AKAP6: variants seen among roughly 807,000 people sequenced by gnomAD.
AKAP6 encodes A-kinase anchoring protein 6, also known as A-kinase anchor protein 6.
Under a neutral mutation model 188.5 loss-of-function variants are expected in AKAP6, and 58 were observed. The ratio of observed to expected loss-of-function variants is 0.31; its 90% CI spans 0.25 to 0.38. The LOEUF (loss-of-function observed/expected upper bound fraction) is 0.38. Ranked by LOEUF, AKAP6 falls within the 10% of genes least tolerant of loss-of-function variation. AKAP6 has a pLI of 1.00. For missense variants in AKAP6, 2,710 were observed against 2,740.0 expected (o/e 0.99, Z 0.24); for synonymous variants, 989 against 998.6 (o/e 0.99, Z 0.18).
intron 2 of AKAP6, among the ~76,000 whole-genome samples, chr14:32,465,141 T>C (rs1487055004): frequency 1.3e-5 from 2 of 152,246 alleles, no homozygotes; most frequent in East Asian, 3.9e-4. Flanking sequence ...GAAGAATCAA[T>C]ATCATGAAAA....
intron 12 of AKAP6, among the ~76,000 whole-genome samples, chr14:32,810,961 T>C (rs1386079220): frequency 6.6e-6 from 1 of 152,110 alleles, no homozygotes; most frequent in Non-Finnish European, 1.5e-5. Flanking sequence ...AGAGATTGGC[T>C]GGGTGCGGTG....
At position 32,548,529 on chromosome 14, in the gene AKAP6, AATAGATAGATAGATAGATAG is replaced by A. The variant is rs71115083; in HGVS notation, c.2346+1570_2346+1589del. 3.2e-4 allele frequency among the ~76,000 whole-genome samples: 46 copies of A among 142,590 alleles called. 1 individual carries two copies. The South Asian group carries it at 4.3e-3, about 13-fold the overall frequency. 93.5% of individuals were successfully genotyped at this position (142,590 alleles called of 152,430 possible). A position where few individuals can be genotyped will look rare whatever the true frequency, so the allele number is the denominator to read the frequency against. On this transcript the variant is annotated intron_variant, in intron 4 of 13. Coordinates refer to ENST00000280979, the MANE Select transcript of AKAP6 (RefSeq NM_004274.5). ...GCTTAAGTGATTTTTCTCAAGCTAA[AATAGATAGATAGATAGATAG>A]ATAGATAGATAGATAGATAGATAGA...
chr14:32,612,211 G>GCA lies in AKAP6; in HGVS notation c.2730+11419_2730+11420insCA, dbSNP rs1322869794. Among the ~76,000 whole-genome samples the GCA allele has an allele frequency of 2.8e-3, 421 of 152,128 alleles. 2 individuals are homozygous for GCA. Among genetic ancestry groups the GCA allele is most frequent in the South Asian group, 0.011 (54 of 4,826 alleles). On this transcript the variant is annotated intron_variant, in intron 7 of 13. Transcript: ENST00000280979. The stretch of plus-strand genomic sequence containing the variant: ...CCTTGTAAAACACCAGTTTCATCGT[G>GCA]GTTTTGAATTTCTGTTTATATCTTT...
intron 7 of AKAP6, among the ~76,000 whole-genome samples, chr14:32,655,398 G>A (rs927671018): frequency 2.0e-5 from 3 of 152,124 alleles, no homozygotes; most frequent in Non-Finnish European, 2.9e-5. Context: ...GAATCTCTTA[G>A]TAAATCTTTT....
chr14:32,451,906 C>T (rs1890947867), intron 2 of AKAP6, among the ~76,000 whole-genome samples: 1 of 151,890 alleles, frequency 6.6e-6, no homozygotes, highest in African/African-American at 2.4e-5. Context: ...AACCCTACTT[C>T]CTCCACCCCT....
chr14:32,764,710 A>G (rs895806078), intron 11 of AKAP6, among the ~76,000 whole-genome samples: 1 of 151,642 alleles, frequency 6.6e-6, no homozygotes, highest in Non-Finnish European at 1.5e-5. Flanking sequence ...ACACACACAC[A>G]CACACACGCA....
At chr14:32,763,792 C>A (rs935108065) in intron 11 of AKAP6, among the ~76,000 whole-genome samples, 7 of 152,120 alleles carry the variant, frequency 4.6e-5, no homozygotes, top group Non-Finnish European at 8.8e-5. Flanking sequence ...TGAGCTGAAT[C>A]TCTATATTGG....
chr14:32,633,339 G>T (rs963306323), intron 7 of AKAP6, among the ~76,000 whole-genome samples: 2 of 152,022 alleles, frequency 1.3e-5, no homozygotes, highest in Admixed American at 1.3e-4. Flanking sequence ...ACTCATTTTG[G>T]TCTGTTGCTT....
At chr14:32,670,218 C>A (rs115167280) in intron 7 of AKAP6, among the ~76,000 whole-genome samples, 1 of 151,950 alleles carries the variant, frequency 6.6e-6, no homozygotes, top group Non-Finnish European at 1.5e-5. Flanking sequence ...GGGTAAATGC[C>A]CCCAGGATTA....
At chr14:32,340,360 T>C (rs923176094) in intron 1 of AKAP6, among the ~76,000 whole-genome samples, 1 of 152,192 alleles carries the variant, frequency 6.6e-6, no homozygotes, top group East Asian at 1.9e-4. Flanking sequence ...TGTGTTCAAA[T>C]AGCATGTTAT....
At chr14:32,635,696 T>A (rs1887455949) in intron 7 of AKAP6, among the ~76,000 whole-genome samples, 2 of 152,098 alleles carry the variant, frequency 1.3e-5, no homozygotes, top group Non-Finnish European at 2.9e-5. Context: ...ATGTTGAACA[T>A]TTTTATGAGA....
At chr14:32,710,332 A>C (rs1233662521) in intron 9 of AKAP6, among the ~76,000 whole-genome samples, 1 of 152,036 alleles carries the variant, frequency 6.6e-6, no homozygotes, top group Non-Finnish European at 1.5e-5. Context: ...ACAATATGAC[A>C]GTTTCCTTGG....
At chr14:32,812,154 TC>T (rs2034253140) in intron 12 of AKAP6, among the ~76,000 whole-genome samples, 1 of 152,154 alleles carries the variant, frequency 6.6e-6, no homozygotes, top group Admixed American at 6.5e-5. Flanking sequence ...CCAGATATTA[TC>T]ATTGGGAGAA....
At chr14:32,606,511 A>C (rs1002260601) in intron 7 of AKAP6, among the ~76,000 whole-genome samples, 6 of 152,212 alleles carry the variant, frequency 3.9e-5, no homozygotes, top group African/African-American at 1.4e-4. Flanking sequence ...ATCCAACCTT[A>C]CATCACTGAA....
In AKAP6 at chr14:32,776,410, G is replaced by A. The variant is rs938273275; in HGVS notation, c.3588+2517G>A. On this transcript the variant is annotated intron_variant, in intron 12 of 13. Transcript: ENST00000280979. ...TCTCTTGTCTGCTGCCATGTAAGAT[G>A]TGCCTTTTGCCTTCCACCATGATTG... 7.2e-5 allele frequency among the ~76,000 whole-genome samples: 11 copies of A among 152,162 alleles called. No individual in the cohort carries two copies. In the South Asian group the frequency reaches 8.3e-4, roughly 11 times the overall value.
chr14:32,627,977 T>A (rs1887095929), intron 7 of AKAP6: 1 of 152,078 alleles, frequency 6.6e-6, no homozygotes, highest in African/African-American at 2.4e-5. Flanking sequence ...TGGCGAAGGA[T>A]TATATGGCAG....
At chr14:32,545,172 C>T (rs940563507) in intron 3 of AKAP6, 58 bp from the exon 4 acceptor site, 11 of 1,490,112 alleles carry the variant, frequency 7.4e-6, no homozygotes, top group African/African-American at 1.4e-5. Flanking sequence ...ATTTACATAG[C>T]AGCTGATGTT....
intron 9 of AKAP6, among the ~76,000 whole-genome samples, chr14:32,710,074 G>A (rs1401101170): frequency 6.6e-6 from 1 of 151,626 alleles, no homozygotes; most frequent in Non-Finnish European, 1.5e-5. Context: ...CTTATTAACA[G>A]TTAATAAAAT....
intron 11 of AKAP6, among the ~76,000 whole-genome samples, chr14:32,761,257 A>G (rs2032527368): frequency 6.6e-6 from 1 of 152,068 alleles, no homozygotes; most frequent in South Asian, 2.1e-4. Flanking sequence ...TTATTTCCCC[A>G]TGCTTGACTC....
Sources: allele counts gnomAD v4.1 joint callset (sites outside exome capture counted in the v4.1 genomes callset), GRCh38; gene constraint gnomAD v4.1.1; transcripts MANE v1.5; gene names NCBI Gene and HGNC (gene_info 2026-07-23, HGNC 2026-07-21).